Variants in PITPNC1 observed in about 807,000 individuals in gnomAD.
PITPNC1 encodes cytoplasmic phosphatidylinositol transfer protein 1.
A neutral mutation model predicts 44.7 loss-of-function variants in PITPNC1; 18 were observed. The observed-to-expected ratio is 0.40, with a 90% confidence interval of 0.28 to 0.60. The LOEUF is 0.60. PITPNC1 is among the 20% of genes least tolerant of loss of function. The pLI is 0.39. For missense variants in PITPNC1, 290 were observed against 418.4 expected (o/e 0.69, Z 2.68); for synonymous variants, 141 against 149.6 (o/e 0.94, Z 0.42).
chr17:67,527,031 TG>T, intron 1 of PITPNC1, among the ~76,000 whole-genome samples: 2 of 152,338 alleles, frequency 1.3e-5, no homozygotes, highest in South Asian at 4.1e-4. Context: ...ACCCAAACTC[TG>T]GAATTATAAC....
chr17:67,665,386 C>G (rs1232244178), intron 6 of PITPNC1, among the ~76,000 whole-genome samples: 2 of 152,178 alleles, frequency 1.3e-5, no homozygotes, highest in Non-Finnish European at 2.9e-5. Flanking sequence ...AGCCACTGCA[C>G]CCAGCCCATG....
chr17:67,631,657 A>AAAAAAAATATATAT (rs1555574522), intron 5 of PITPNC1, among the ~76,000 whole-genome samples: 1 of 7,680 alleles, frequency 1.3e-4, no homozygotes, highest in African/African-American at 3.7e-4. Flanking sequence ...AAAAAAAAAA[A>AAAAAAAATATATAT]ATATATATAT....
intron 5 of PITPNC1, among the ~76,000 whole-genome samples, chr17:67,609,755 CAGCAGAATTGG>C (rs1362836731): frequency 1.3e-5 from 2 of 149,734 alleles, no homozygotes; most frequent in Admixed American, 1.3e-4. Flanking sequence ...GGGTCATTCA[CAGCAGAATTGG>C]ATCTGGTTAG....
chr17:67,443,971 C>T (rs1182149121), intron 1 of PITPNC1, among the ~76,000 whole-genome samples: 1 of 151,968 alleles, frequency 6.6e-6, no homozygotes, highest in Non-Finnish European at 1.5e-5. Context: ...CTGGATTTGG[C>T]TTTTGGTCTT....
rs11290420 is a variant in PITPNC1 at position 67,665,845 on chromosome 17, CTTT to C, written c.463-3648_463-3646del. ...CCTTGGAGGGGATGACACTGAAGTA[CTTT>C]TTTTTTTTTTTTTTGAGACAGAGTC... is the stretch of plus-strand genomic sequence containing the variant. On this transcript the variant is annotated intron_variant, in intron 6 of 8. Coordinates refer to ENST00000581322, the MANE Select transcript of PITPNC1 (RefSeq NM_012417.4). Among the ~76,000 whole-genome samples, 360 of 135,680 alleles carry C rather than the reference CTTT, an allele frequency of 2.7e-3. 3 individuals are homozygous for C. The highest frequency in any genetic ancestry group is 8.6e-3 in the African/African-American group (319 of 36,958). 89.0% of individuals were successfully genotyped at this position (135,680 alleles called of 152,430 possible).
intron 4 of PITPNC1, among the ~76,000 whole-genome samples, chr17:67,563,513 A>G (rs2040933195): frequency 6.6e-6 from 1 of 152,242 alleles, no homozygotes; most frequent in South Asian, 2.1e-4. Flanking sequence ...GCTGGTAAAC[A>G]AGAATAAAGC....
At chr17:67,663,296 G>A (rs766164114) in intron 6 of PITPNC1, among the ~76,000 whole-genome samples, 23 of 152,216 alleles carry the variant, frequency 1.5e-4, no homozygotes, top group South Asian at 2.1e-4. Context: ...TAGGCCGGGC[G>A]CGGTGGCTCC....
At chr17:67,382,785 A>C (rs2037983082) in intron 1 of PITPNC1, among the ~76,000 whole-genome samples, 1 of 150,136 alleles carries the variant, frequency 6.7e-6, no homozygotes, top group African/African-American at 2.5e-5. Context: ...CCATCACGCC[A>C]GGCTAATTTT....
Position 67,499,570 on chromosome 17 carries a change from T to C in PITPNC1, c.49-33232T>C, listed in dbSNP as rs184218314. Among the ~76,000 whole-genome samples, 6 of 152,358 alleles carry C rather than the reference T, an allele frequency of 3.9e-5. No homozygotes were observed. In the East Asian group the frequency reaches 1.2e-3, roughly 29 times the overall value. The stretch of plus-strand genomic sequence containing the variant: ...AAGACCTTGGCCTGAATAGCTGGTC[T>C]GCTACCTCCCTACTTCCTACTGCCC... On this transcript the variant is annotated intron_variant, in intron 1 of 8. Coordinates refer to ENST00000581322, the MANE Select transcript of PITPNC1 (RefSeq NM_012417.4).
intron 1 of PITPNC1, among the ~76,000 whole-genome samples, chr17:67,450,363 G>C (rs979859592): frequency 2.4e-5 from 3 of 126,608 alleles, no homozygotes; most frequent in African/African-American, 8.3e-5. Context: ...GAAGGTGCAC[G>C]GGAGACTTCG....
intron 7 of PITPNC1, among the ~76,000 whole-genome samples, chr17:67,672,601 AAAT>A (rs55925253): frequency 0.07 from 10,368 of 148,234 alleles, 1,293 homozygotes; most frequent in African/African-American, 0.25. Context: ...TCTGTCTCCA[AAAT>A]AATAATAATA....
At chr17:67,446,416 A>C (rs1405565336) in intron 1 of PITPNC1, among the ~76,000 whole-genome samples, 1 of 146,350 alleles carries the variant, frequency 6.8e-6, no homozygotes, top group African/African-American at 2.5e-5. Context: ...CTGTTTTCAG[A>C]AAAAAAAAAA....
In PITPNC1 at chr17:67,456,799, A is replaced by G. The variant is rs2039260309; in HGVS notation, c.49-76003A>G. ...AAGTACTCTTTTATGTACACATTTTATTTTCTGAAAATATATACTTTAGTG... is the reference window on the plus strand; with the variant it reads ...AAGTACTCTTTTATGTACACATTTTGTTTTCTGAAAATATATACTTTAGTG... On this transcript the variant is annotated intron_variant, in intron 1 of 8. Coordinates refer to ENST00000581322, the MANE Select transcript of PITPNC1 (RefSeq NM_012417.4). Among the ~76,000 whole-genome samples the G allele has an allele frequency of 3.9e-5, 6 of 151,938 alleles. No homozygotes were observed. The South Asian group carries it at 1.2e-3, about 32-fold the overall frequency.
intron 1 of PITPNC1, among the ~76,000 whole-genome samples, chr17:67,418,294 G>A (rs1380774020): frequency 2.0e-5 from 3 of 152,152 alleles, no homozygotes; most frequent in Non-Finnish European, 4.4e-5. Context: ...TGGCAGTGCT[G>A]CTCTCCCAGT....
chr17:67,401,516 C>T (rs2038310413), intron 1 of PITPNC1, among the ~76,000 whole-genome samples: 1 of 152,032 alleles, frequency 6.6e-6, no homozygotes, highest in South Asian at 2.1e-4. Context: ...AAACACAAGC[C>T]CTTTCCACAT....
At chr17:67,396,962 TA>T (rs2038229075) in intron 1 of PITPNC1, among the ~76,000 whole-genome samples, 1 of 151,320 alleles carries the variant, frequency 6.6e-6, no homozygotes, top group Non-Finnish European at 1.5e-5. Context: ...GCAACCATCT[TA>T]TTTTTTTAAA....
intron 1 of PITPNC1, among the ~76,000 whole-genome samples, chr17:67,479,781 C>A (rs543290623): frequency 1.3e-5 from 2 of 152,194 alleles, no homozygotes; most frequent in African/African-American, 4.8e-5. Context: ...CTGGCATGTT[C>A]TTTGTGATAT....
intron 1 of PITPNC1, among the ~76,000 whole-genome samples, chr17:67,397,353 T>C (rs2038235620): frequency 1.4e-5 from 2 of 147,832 alleles, no homozygotes; most frequent in Non-Finnish European, 2.9e-5. Context: ...ATCCCTGGTA[T>C]CACAGAAGCT....
intron 3 of PITPNC1, 41 bp from the exon 4 acceptor site, chr17:67,553,567 CTT>C (rs1262846328): frequency 1.2e-5 from 12 of 1,027,908 alleles, no homozygotes; most frequent in Non-Finnish European, 1.7e-5. Flanking sequence ...TCTTTTGTCT[CTT>C]TTTTCTTTCC....
Sources: gnomAD v4.1 joint callset for allele counts (sites outside exome capture counted in the v4.1 genomes callset) on GRCh38, gnomAD v4.1.1 for gene constraint, MANE v1.5 for transcripts, NCBI Gene and HGNC (gene_info 2026-07-23, HGNC 2026-07-21) for gene names.